ANKMY1: variants seen among roughly 807,000 people sequenced by gnomAD.
The protein encoded by ANKMY1 is ankyrin repeat and MYND domain-containing protein 1.
ANKMY1 carries 98 observed loss-of-function variants against 102.0 expected under a neutral mutation model. The observed-to-expected ratio is 0.96, with a 90% CI of 0.82 to 1.14. The LOEUF is 1.14. Ranked by LOEUF, ANKMY1 falls within the 50% of genes most tolerant of loss-of-function variation. The pLI is 0.00. For synonymous variants in ANKMY1, 582 were observed against 559.9 expected (o/e 1.04, Z -0.56); for missense variants, 1,330 against 1,347.6 (o/e 0.99, Z 0.20).
At chr2:240,480,752 G>A (rs920634587) in intron 17 of ANKMY1, among the ~76,000 whole-genome samples, 185 bp downstream of exon 17, 5 of 152,216 alleles carry the variant, frequency 3.3e-5, no homozygotes, top group Admixed American at 2.0e-4. Context: ...AGGTGAGGAA[G>A]AGCCAGGCTG....
At chr2:240,503,342 G>T (rs1472904017) in intron 13 of ANKMY1, among the ~76,000 whole-genome samples, 1 of 152,202 alleles carries the variant, frequency 6.6e-6, no homozygotes, top group Non-Finnish European at 1.5e-5. Context: ...CCCCCTGGAG[G>T]GGACTTTCTG....
chr2:240,560,664 G>C (rs780981556), upstream of ANKMY1: 2 of 1,499,370 alleles, frequency 1.3e-6, no homozygotes, highest in Non-Finnish European at 8.8e-7. Flanking sequence ...GGGCCCAAAA[G>C]CAGACTCTTC....
chr2:240,552,881 C>T (rs767639681), intron 4 of ANKMY1, 33 bp downstream of exon 4: 27 of 1,612,860 alleles, frequency 1.7e-5, no homozygotes, highest in Admixed American at 6.7e-5. Flanking sequence ...ACAGCCACTT[C>T]GACCCCAGCT....
chr2:240,519,908 G>C (rs994991426), intron 9 of ANKMY1: 3 of 257,032 alleles, frequency 1.2e-5, no homozygotes, highest in South Asian at 7.7e-5. Flanking sequence ...ATTCCCCTTC[G>C]AAGATTTTTT....
intron 4 of ANKMY1, among the ~76,000 whole-genome samples, chr2:240,543,237 C>CA (rs1394394063): frequency 6.6e-6 from 1 of 151,608 alleles, no homozygotes; most frequent in African/African-American, 2.4e-5. Flanking sequence ...CCTGTAGTCC[C>CA]AGCTACTCGG....
chr2:240,522,279 A>G (rs545228927), intron 8 of ANKMY1: 1 of 152,360 alleles, frequency 6.6e-6, no homozygotes, highest in South Asian at 2.1e-4. Context: ...AGCTGGCTTC[A>G]CCTCTCAATA....
chr2:240,556,332 A>T (rs1271329490), intron 2 of ANKMY1, among the ~76,000 whole-genome samples: 1 of 152,174 alleles, frequency 6.6e-6, no homozygotes, highest in African/African-American at 2.4e-5. Flanking sequence ...CCAGAGCGAG[A>T]TCCGCTCTCT....
chr2:240,491,344 A>G (rs939017738), intron 15 of ANKMY1, among the ~76,000 whole-genome samples: 1 of 152,160 alleles, frequency 6.6e-6, no homozygotes, highest in Non-Finnish European at 1.5e-5. Flanking sequence ...TTCATGTTCA[A>G]GGTTATTCTT....
intron 5 of ANKMY1, chr2:240,527,347 T>C (rs2083789016): frequency 5.0e-4 from 1 of 2,016 alleles, no homozygotes. Context: ...GTTGGATGAA[T>C]GGATGGTTGG....
At chr2:240,541,563 C>T (rs1170344533) in intron 4 of ANKMY1, among the ~76,000 whole-genome samples, 26 of 140,922 alleles carry the variant, frequency 1.8e-4, no homozygotes, top group African/African-American at 5.9e-4. Context: ...AGTGCAATGG[C>T]GCCATCTCAA....
At chr2:240,468,886 G>A in the ANKMY1 span, among the ~76,000 whole-genome samples, 3 of 152,170 alleles carry the variant, frequency 2.0e-5, no homozygotes, top group South Asian at 6.2e-4. Context: ...ACGAAGGGCT[G>A]CACACAGGCC....
intron 13 of ANKMY1, among the ~76,000 whole-genome samples, chr2:240,503,712 G>A (rs1389252272): frequency 3.3e-5 from 5 of 152,300 alleles, no homozygotes; most frequent in East Asian, 1.9e-4. Flanking sequence ...TGAAAACGCC[G>A]AAGCCATGTG....
intron 2 of ANKMY1, among the ~76,000 whole-genome samples, chr2:240,556,342 T>C (rs933362385): frequency 5.3e-5 from 8 of 152,310 alleles, no homozygotes; most frequent in Middle Eastern, 3.4e-3. Flanking sequence ...ATCCGCTCTC[T>C]TATCTGTAAA....
chr2:240,511,992 G>A lies in ANKMY1; in HGVS notation c.2155C>T (p.Leu719=), dbSNP rs771100868. 24 of 1,556,708 alleles carry A rather than the reference G, an allele frequency of 1.5e-5. No homozygotes were observed. Among genetic ancestry groups the A allele is most frequent in the Non-Finnish European group, 2.1e-5 (24 of 1,160,924 alleles). Residue 719 remains leucine (L), a synonymous_variant, in exon 11 of 18, where the codon CTG becomes TTG. Transcript: ENST00000401804. ...TTGCTGAGCTTCAGACTTGAGGGCA[G>A]CAGGTCCAGCTGTGTAAAACGGAGG... is the stretch of plus-strand genomic sequence containing the variant. ...DTYKPGKLDL[L]PSSLKLSNEP...
chr2:240,487,716 T>G (rs1204664050), intron 15 of ANKMY1, among the ~76,000 whole-genome samples: 1 of 152,138 alleles, frequency 6.6e-6, no homozygotes, highest in Non-Finnish European at 1.5e-5. Context: ...TTCTTTTGTT[T>G]TTTTTAGGCA....
At chr2:240,472,272 C>T in the ANKMY1 span, among the ~76,000 whole-genome samples, 2 of 131,694 alleles carry the variant, frequency 1.5e-5, no homozygotes, top group East Asian at 2.0e-4. Context: ...CGGCCGCACG[C>T]GGGGAGGCAG....
the ANKMY1 span, among the ~76,000 whole-genome samples, chr2:240,472,219 A>C: frequency 6.6e-6 from 1 of 151,832 alleles, no homozygotes; most frequent in Admixed American, 6.5e-5. Flanking sequence ...AGGCAGGCCT[A>C]CCAATCCACG....
At chr2:240,546,811 C>G (rs2090479923) in intron 4 of ANKMY1, among the ~76,000 whole-genome samples, 3 of 152,212 alleles carry the variant, frequency 2.0e-5, no homozygotes, top group Admixed American at 6.5e-5. Context: ...GAAGAGCTAA[C>G]TATCCTAAAT....
intron 15 of ANKMY1, among the ~76,000 whole-genome samples, chr2:240,495,294 C>G (rs946561602): frequency 2.0e-5 from 3 of 152,168 alleles, no homozygotes; most frequent in African/African-American, 7.2e-5. Context: ...GAAGACTCTA[C>G]TCCACCACCT....
Sources: gnomAD v4.1 joint callset for allele counts (sites outside exome capture counted in the v4.1 genomes callset) on GRCh38, gnomAD v4.1.1 for gene constraint, MANE v1.5 for transcripts, NCBI Gene and HGNC (gene_info 2026-07-23, HGNC 2026-07-21) for gene names.